Variants in PXDNL observed in about 807,000 individuals in gnomAD.
The protein encoded by PXDNL is peroxidasin like, also known as probable oxidoreductase PXDNL.
In PXDNL, 145 loss-of-function variants were observed where a neutral mutation model predicts 150.8. The observed-to-expected ratio is 0.96, with a 90% CI of 0.84 to 1.10. The LOEUF (loss-of-function observed/expected upper bound fraction) is 1.10. Ranked by LOEUF, PXDNL falls within the 50% of genes least tolerant of loss-of-function variation. The probability of loss-of-function intolerance (pLI) is 0.00; values close to 1 mark genes in which losing one functional copy is unlikely to be tolerated. For missense variants in PXDNL, 2,087 were observed against 1,873.9 expected, an observed-to-expected ratio of 1.11 and a Z score of -2.10; for synonymous variants, 757 against 725.7, an observed-to-expected ratio of 1.04 and a Z score of -0.69.
chr8:51,372,103 A>AC (rs1807138409), intron 18 of PXDNL, 22 bp from the exon 19 acceptor site: 10 of 1,548,044 alleles, frequency 6.5e-6, no homozygotes, highest in Non-Finnish European at 8.8e-6. Flanking sequence ...CCAAAAAAAA[A>AC]ACATTGTCGT....
intron 11 of PXDNL, among the ~76,000 whole-genome samples, chr8:51,448,430 C>T (rs564837840): frequency 1.3e-5 from 2 of 152,332 alleles, no homozygotes; most frequent in African/African-American, 4.8e-5. Context: ...TGCGGCCGGG[C>T]GCGGTGGCTC....
intron 1 of PXDNL, among the ~76,000 whole-genome samples, chr8:51,693,970 C>T (rs1192477269): frequency 1.3e-5 from 2 of 152,170 alleles, no homozygotes; most frequent in Non-Finnish European, 2.9e-5. Flanking sequence ...TATTCAAAGT[C>T]ACCAAATCAC....
intron 1 of PXDNL, among the ~76,000 whole-genome samples, chr8:51,788,713 T>C (rs1585751186): frequency 6.6e-6 from 1 of 152,288 alleles, no homozygotes; most frequent in Admixed American, 6.5e-5. Context: ...TGAAGTTGAG[T>C]GCTCACAGTC....
intron 1 of PXDNL, among the ~76,000 whole-genome samples, chr8:51,712,312 T>A (rs1816519068): frequency 6.6e-6 from 1 of 152,160 alleles, no homozygotes; most frequent in Non-Finnish European, 1.5e-5. Flanking sequence ...CTACCTATGG[T>A]ACTACTGGGC....
At chr8:51,331,528 CA>C (rs1255275651) in intron 21 of PXDNL, among the ~76,000 whole-genome samples, 9 of 152,282 alleles carry the variant, frequency 5.9e-5, no homozygotes, top group African/African-American at 2.2e-4. Context: ...ACATCACAGG[CA>C]GGGGAAGAAC....
chr8:51,769,041 G>T (rs1475078767), intron 1 of PXDNL, among the ~76,000 whole-genome samples: 1 of 152,250 alleles, frequency 6.6e-6, no homozygotes, highest in Non-Finnish European at 1.5e-5. Context: ...GGCAGAGCTT[G>T]CAGCGAGCTG....
chr8:51,749,832 C>G (rs1470993364), intron 1 of PXDNL, among the ~76,000 whole-genome samples: 1 of 152,146 alleles, frequency 6.6e-6, no homozygotes, highest in Non-Finnish European at 1.5e-5. Context: ...TCCTGAGTAG[C>G]TGGGATTACA....
chr8:51,367,555 A>G (rs547345884), intron 19 of PXDNL, among the ~76,000 whole-genome samples: 135 of 152,314 alleles, frequency 8.9e-4, no homozygotes, highest in African/African-American at 3.1e-3. Context: ...TACCTCAGCA[A>G]CTTTACTTTG....
chr8:51,334,122 C>T (rs1217255868), intron 21 of PXDNL, among the ~76,000 whole-genome samples: 2 of 151,484 alleles, frequency 1.3e-5, no homozygotes, highest in Admixed American at 6.6e-5. Context: ...CAAGCATTCT[C>T]GCAGACCACA....
intron 1 of PXDNL, among the ~76,000 whole-genome samples, chr8:51,762,852 C>G (rs1002924253): frequency 6.6e-6 from 1 of 152,048 alleles, no homozygotes; most frequent in Non-Finnish European, 1.5e-5. Context: ...TTTTCATCAC[C>G]AGAAGCTATA....
chr8:51,561,319 C>G (rs1357006334), intron 3 of PXDNL, among the ~76,000 whole-genome samples: 1 of 151,920 alleles, frequency 6.6e-6, no homozygotes, highest in Non-Finnish European at 1.5e-5. Context: ...CACACCAGCA[C>G]TACTCACATA....
At chr8:51,611,952 G>GCTTC (rs1814014931) in intron 2 of PXDNL, among the ~76,000 whole-genome samples, 1 of 152,242 alleles carries the variant, frequency 6.6e-6, no homozygotes, top group Non-Finnish European at 1.5e-5. Flanking sequence ...TATGGGGTAG[G>GCTTC]GAGGAAGCCA....
At chr8:51,634,604 C>G (rs116709071) in intron 2 of PXDNL, among the ~76,000 whole-genome samples, 1 of 152,070 alleles carries the variant, frequency 6.6e-6, no homozygotes, top group African/African-American at 2.4e-5. Context: ...TTCTTCCAAT[C>G]CATGAGCATG....
At chr8:51,573,165 C>T (rs780024695) in intron 3 of PXDNL, among the ~76,000 whole-genome samples, 2 of 151,966 alleles carry the variant, frequency 1.3e-5, no homozygotes, top group African/African-American at 2.4e-5. Flanking sequence ...ACTATGGTTG[C>T]ACTCCCACTC....
intron 17 of PXDNL, among the ~76,000 whole-genome samples, chr8:51,391,610 T>C (rs766819094): frequency 1.3e-5 from 2 of 152,214 alleles, no homozygotes; most frequent in African/African-American, 4.8e-5. Flanking sequence ...TCTTGTAAAT[T>C]TGAGTTCATT....
intron 17 of PXDNL, among the ~76,000 whole-genome samples, chr8:51,385,657 T>G (rs541788552): frequency 1.3e-5 from 2 of 152,364 alleles, no homozygotes; most frequent in South Asian, 4.1e-4. Context: ...ATGGTTTGGC[T>G]GTGTCCTTGC....
At position 51,473,654 on chromosome 8, in the gene PXDNL, T is replaced by C. The variant is rs1810402455; in HGVS notation, c.694+1318A>G. Among the ~76,000 whole-genome samples the C allele has an allele frequency of 2.6e-5, 4 of 151,258 alleles. 1 individual carries two copies. The highest frequency in any genetic ancestry group is 2.6e-4 in the Admixed American group (4 of 15,170). ...ATATACCTAATGTTAAATGATGAGT[T>C]AATGGGTGCAGCACACCAACATGGC... On this transcript the variant is annotated intron_variant, in intron 7 of 22. Coordinates refer to ENST00000356297, the MANE Select transcript of PXDNL (RefSeq NM_144651.5).
At chr8:51,320,752 G>A (rs370655298) in intron 22 of PXDNL, 32 bp downstream of exon 22, 59 of 1,319,908 alleles carry the variant, frequency 4.5e-5, no homozygotes, top group Non-Finnish European at 6.2e-5. Flanking sequence ...AAGTGAAATG[G>A]GGAGTTGGAC....
chr8:51,409,078 T>G lies in PXDNL; in HGVS notation c.2546A>C (p.His849Pro). The G allele has an allele frequency of 6.2e-7, 1 of 1,609,342 alleles. No homozygotes were observed. Among genetic ancestry groups the G allele is most frequent in the South Asian group, 1.1e-5 (1 of 91,024 alleles). Residue 849 changes from histidine to proline, a missense_variant, in exon 17 of 23, where the codon CAC becomes CCC. His to Pro is a moderately conservative substitution (Grantham distance 77). Transcript: ENST00000356297. ...DPPCFPMNTR[H>P]ADPRGTHAPC... ...CGCGTGGGTGCCCCGGGGGTCGGCG[T>G]GCCGGGTGTTCATGGGGAAACAAGG... is the stretch of plus-strand genomic sequence containing the variant.
Sources: gnomAD v4.1 joint callset for allele counts (sites outside exome capture counted in the v4.1 genomes callset) on GRCh38, gnomAD v4.1.1 for gene constraint, MANE v1.5 for transcripts, NCBI Gene and HGNC (gene_info 2026-07-23, HGNC 2026-07-21) for gene names.